Variants in LANCL1 observed in about 807,000 individuals in gnomAD.
The protein encoded by LANCL1 is LanC like glutathione S-transferase 1.
Under a neutral mutation model 50.6 loss-of-function variants are expected in LANCL1, and 50 were observed. The observed-to-expected ratio is 0.99, with a 90% CI of 0.79 to 1.25. The LOEUF (loss-of-function observed/expected upper bound fraction) is 1.25. Ranked by LOEUF, LANCL1 falls within the 50% of genes most tolerant of loss-of-function variation. LANCL1 has a pLI of 0.00. For missense variants in LANCL1, 532 were observed against 480.7 expected, an observed-to-expected ratio of 1.11 and a Z score of -1.00; for synonymous variants, 188 against 178.6, an observed-to-expected ratio of 1.05 and a Z score of -0.42.
chr2:210,441,509 T>C (rs1693134269), intron 4 of LANCL1, 66 bp from the exon 5 acceptor site: 1 of 1,391,412 alleles, frequency 7.2e-7, no homozygotes, highest in East Asian at 2.3e-5. Flanking sequence ...TACTTAAAAA[T>C]GGTACATTGA....
rs574581449 is a variant in LANCL1, at chr2:210,434,638, A to C, written c.1124-75T>G. On this transcript the variant is annotated intron_variant, in intron 9 of 9. Transcript: ENST00000450366. ...CATAGGATGGTTCTTTTTCCCCCAT[A>C]TCTTTATTGACAAAAAAAGTCACAG... 24 of 1,193,552 alleles carry C rather than the reference A, an allele frequency of 2.0e-5. No homozygotes were observed. The South Asian group carries it at 2.9e-4, about 14-fold the overall frequency. 73.9% of individuals were successfully genotyped at this position (1,193,552 alleles called of 1,614,324 possible).
chr2:210,453,409 T>C (rs1183134797), intron 4 of LANCL1, among the ~76,000 whole-genome samples: 1 of 152,190 alleles, frequency 6.6e-6, no homozygotes, highest in African/African-American at 2.4e-5. Flanking sequence ...AGTTGGCGTG[T>C]TGTCCCCAGG....
chr2:210,468,826 C>T (rs1186735423), intron 3 of LANCL1: 1 of 152,194 alleles, frequency 6.6e-6, no homozygotes, highest in Non-Finnish European at 1.5e-5. Context: ...CAGGCCTGGA[C>T]TGACCAACTC....
intron 3 of LANCL1, among the ~76,000 whole-genome samples, chr2:210,459,101 CT>C (rs1693758589): frequency 6.6e-6 from 1 of 152,020 alleles, no homozygotes; most frequent in Admixed American, 6.6e-5. Flanking sequence ...CCAGAAAAAA[CT>C]TGAATGAGAT....
chr2:210,469,644 T>TAA lies in LANCL1; in HGVS notation c.199+2313_199+2314dup, dbSNP rs1694166549. Among the ~76,000 whole-genome samples, 5 of 152,274 alleles carry TAA rather than the reference T, an allele frequency of 3.3e-5. No homozygotes were observed. The South Asian group carries it at 1.0e-3, about 32-fold the overall frequency. On this transcript the variant is annotated intron_variant, in intron 3 of 9. Transcript: ENST00000450366. ...AATGAGTATCATAGATACTTGAGGA[T>TAA]AAAAGGTTGAAGGATATTGGCATTC...
intron 3 of LANCL1, among the ~76,000 whole-genome samples, chr2:210,455,889 A>G (rs1171897950): frequency 6.6e-6 from 1 of 151,340 alleles, no homozygotes; most frequent in Non-Finnish European, 1.5e-5. Flanking sequence ...CAGGGATTAT[A>G]AGAAAGTTAT....
At chr2:210,447,195 T>C (rs929762796) in intron 4 of LANCL1, among the ~76,000 whole-genome samples, 3 of 152,182 alleles carry the variant, frequency 2.0e-5, no homozygotes, top group Admixed American at 6.5e-5. Context: ...GGGGCCAATA[T>C]TCAACATTCT....
chr2:210,450,877 T>C (rs1003039926), intron 4 of LANCL1, among the ~76,000 whole-genome samples: 3 of 152,222 alleles, frequency 2.0e-5, no homozygotes, highest in African/African-American at 4.8e-5. Flanking sequence ...TTTACACTGT[T>C]GGTGGGAGTG....
Position 210,435,467 on chromosome 2 carries a change from T to A in LANCL1, c.1051-8A>T. The A allele has an allele frequency of 6.2e-7, 1 of 1,609,828 alleles. No individual in the cohort carries two copies. Among genetic ancestry groups the A allele is most frequent in the Non-Finnish European group, 8.5e-7 (1 of 1,176,262 alleles). ...TAAGCACCATTCAGCAAACTGAAAA[T>A]GAGACCAAGTTAAATTAGTATAGTG... On this transcript the variant is annotated splice_polypyrimidine_tract_variant and splice_region_variant and intron_variant, in intron 8 of 9. Coordinates refer to ENST00000450366, the MANE Select transcript of LANCL1 (RefSeq NM_006055.3).
intron 4 of LANCL1, among the ~76,000 whole-genome samples, chr2:210,449,045 C>CA (rs1365904185): frequency 5.9e-5 from 9 of 151,572 alleles, no homozygotes; most frequent in South Asian, 4.2e-4. Flanking sequence ...AGAGACACAA[C>CA]AAAAAAAAGA....
chr2:210,462,715 T>C (rs1367474672), intron 3 of LANCL1, among the ~76,000 whole-genome samples: 1 of 152,200 alleles, frequency 6.6e-6, no homozygotes, highest in Non-Finnish European at 1.5e-5. Context: ...TTTTTCTAGC[T>C]GCAAATGCCT....
At position 210,471,984 on chromosome 2, in the gene LANCL1, A is replaced by G. The variant is rs1694239137; in HGVS notation, c.174T>C (p.Asp58=). ...CTGCCCAGCCAGTGTAACCGGTGCC[A>G]TCCCGAGGGTCTGCTGATTTCAGGC... ...ERGLKSADPR[D]GTGYTGWAGI... Residue 58 remains aspartate, a synonymous_variant, in exon 3 of 10, where the codon GAT becomes GAC. Transcript: ENST00000450366. 1 of 1,613,826 alleles carries G rather than the reference A, an allele frequency of 6.2e-7. No individual in the cohort carries two copies. The highest frequency in any genetic ancestry group is 1.7e-5 in the Admixed American group (1 of 60,004).
At chr2:210,476,798 C>T, upstream of LANCL1, 1 of 1,009,592 alleles carries the variant, frequency 9.9e-7, no homozygotes, top group Non-Finnish European at 1.2e-6. Flanking sequence ...GAGCCTTCGC[C>T]GTTCCCGAGA....
At chr2:210,455,849 C>A in intron 3 of LANCL1, among the ~76,000 whole-genome samples, 1 of 142,276 alleles carries the variant, frequency 7.0e-6, no homozygotes, top group African/African-American at 2.6e-5. Flanking sequence ...GTTAATGTAA[C>A]CAAATCCCCT....
chr2:210,444,934 T>C (rs1289969335), intron 4 of LANCL1, among the ~76,000 whole-genome samples: 1 of 152,104 alleles, frequency 6.6e-6, no homozygotes, highest in Non-Finnish European at 1.5e-5. Context: ...AAACATTTAT[T>C]AAGAATTTTT....
At chr2:210,435,007 T>C (rs144891444) in intron 9 of LANCL1, among the ~76,000 whole-genome samples, 2 of 152,222 alleles carry the variant, frequency 1.3e-5, no homozygotes, top group African/African-American at 4.8e-5. Context: ...GGTGGAAGAC[T>C]GGAGAAAGAA....
intron 3 of LANCL1, among the ~76,000 whole-genome samples, chr2:210,469,478 T>C (rs1694160989): frequency 6.6e-6 from 1 of 152,190 alleles, no homozygotes; most frequent in African/African-American, 2.4e-5. Flanking sequence ...TTAGGAACCT[T>C]GCCTTGAAAA....
At chr2:210,441,517 T>C in intron 4 of LANCL1, 74 bp from the exon 5 acceptor site, 1 of 1,274,056 alleles carries the variant, frequency 7.8e-7, no homozygotes, top group Non-Finnish European at 1.1e-6. Context: ...AATGGTACAT[T>C]GAAAAAAATA....
chr2:210,467,648 G>A (rs746433986), intron 3 of LANCL1, among the ~76,000 whole-genome samples: 7 of 152,294 alleles, frequency 4.6e-5, no homozygotes, highest in Admixed American at 6.5e-5. Context: ...TAGTAGTTAA[G>A]TTTTGGGGGA....
Sources: gnomAD v4.1 joint callset for allele counts (sites outside exome capture counted in the v4.1 genomes callset) on GRCh38, gnomAD v4.1.1 for gene constraint, MANE v1.5 for transcripts, NCBI Gene and HGNC (gene_info 2026-07-23, HGNC 2026-07-21) for gene names.